The following IRAK2 variants were observed in gnomAD, a reference collection of about 807,000 sequenced individuals.
IRAK2 encodes the protein interleukin-1 receptor-associated kinase-like 2.
A neutral mutation model predicts 72.0 loss-of-function variants in IRAK2; 57 were observed. That is an observed-to-expected ratio of 0.79 (90% CI 0.64 to 0.99). IRAK2 has a LOEUF of 0.99. IRAK2 is among the 50% of genes least tolerant of loss of function. IRAK2 has a pLI of 0.00. For missense variants in IRAK2, 790 were observed against 794.4 expected, an observed-to-expected ratio of 0.99 and a Z score of 0.07; for synonymous variants, 293 against 312.7, an observed-to-expected ratio of 0.94 and a Z score of 0.67.
At chr3:10,201,381 T>TC (rs1357498056) in intron 3 of IRAK2, among the ~76,000 whole-genome samples, 1 of 152,222 alleles carries the variant, frequency 6.6e-6, no homozygotes, top group East Asian at 1.9e-4. Context: ...CTGTCCATTC[T>TC]CCATAGGCCC....
At chr3:10,202,747 G>A (rs62240062) in intron 3 of IRAK2, among the ~76,000 whole-genome samples, 34,024 of 144,204 alleles carry the variant, frequency 0.24, 4,982 homozygotes, top group Non-Finnish European at 0.34. Flanking sequence ...GCTAGGTGAC[G>A]GTGGCACGGT....
At chr3:10,241,219 TG>T (rs1698054649) in intron 12 of IRAK2, among the ~76,000 whole-genome samples, 1 of 149,960 alleles carries the variant, frequency 6.7e-6, no homozygotes, top group Admixed American at 6.7e-5. Flanking sequence ...AAGATCAGCC[TG>T]GGCAACATGG....
chr3:10,221,208 C>T (rs577877093), intron 8 of IRAK2, among the ~76,000 whole-genome samples: 25 of 146,712 alleles, frequency 1.7e-4, no homozygotes, highest in South Asian at 4.3e-4. Context: ...CTGGCTAACA[C>T]GGTGAAACCT....
chr3:10,180,860 C>T (rs1696949716), intron 2 of IRAK2, among the ~76,000 whole-genome samples: 1 of 152,048 alleles, frequency 6.6e-6, no homozygotes, highest in African/African-American at 2.4e-5. Context: ...CAGACCACAC[C>T]AGTCACGGGG....
chr3:10,184,903 A>AAT lies in IRAK2; in HGVS notation c.277+6883_277+6884insAT, dbSNP rs1553623285. 7.9e-3 allele frequency among the ~76,000 whole-genome samples: 980 copies of AAT among 123,596 alleles called. 47 individuals are homozygous for AAT. The highest frequency in any genetic ancestry group is 0.054 in the African/African-American group (931 of 17,184). 81.1% of individuals were successfully genotyped at this position (123,596 alleles called of 152,430 possible). A position where few individuals can be genotyped will look rare whatever the true frequency, so the allele number is the denominator to read the frequency against. ...CGCCACCATGCCCGGCTATTTTTTTATTTTTTTTTATTTTTAGTAGAGACG... is the reference window on the plus strand; with the variant it reads ...CGCCACCATGCCCGGCTATTTTTTTAATTTTTTTTTTATTTTTAGTAGAGACG... On this transcript the variant is annotated intron_variant, in intron 2 of 12. Coordinates refer to ENST00000256458, the MANE Select transcript of IRAK2 (RefSeq NM_001570.4).
intron 2 of IRAK2, among the ~76,000 whole-genome samples, chr3:10,193,181 A>G (rs1697203537): frequency 2.0e-5 from 3 of 152,192 alleles, no homozygotes; most frequent in Admixed American, 6.5e-5. Context: ...ATGCCTGGCA[A>G]CCAGCTCTGG....
intron 1 of IRAK2, among the ~76,000 whole-genome samples, chr3:10,170,408 A>AGGATGT (rs1332587513): frequency 6.6e-6 from 1 of 152,204 alleles, no homozygotes; most frequent in Non-Finnish European, 1.5e-5. Context: ...CTCGGGGCTT[A>AGGATGT]GGATGTGGAT....
chr3:10,234,773 G>C, intron 11 of IRAK2, 114 bp downstream of exon 11: 1 of 926,552 alleles, frequency 1.1e-6, no homozygotes, highest in Non-Finnish European at 1.6e-6. Flanking sequence ...TTGCTTGCAA[G>C]CCGCAGAACC....
chr3:10,173,118 C>T (rs1001924676), intron 1 of IRAK2, among the ~76,000 whole-genome samples: 3 of 152,018 alleles, frequency 2.0e-5, no homozygotes, highest in African/African-American at 4.8e-5. Context: ...GCAACAATCT[C>T]GGAGGCAGGT....
At chr3:10,227,911 C>T (rs560233795) in intron 10 of IRAK2, among the ~76,000 whole-genome samples, 11 of 152,024 alleles carry the variant, frequency 7.2e-5, no homozygotes, top group East Asian at 1.9e-4. Context: ...CCTCGTGATC[C>T]GCCCGCCTCG....
chr3:10,229,579 G>A (rs1319490421), intron 10 of IRAK2, among the ~76,000 whole-genome samples: 1 of 152,096 alleles, frequency 6.6e-6, no homozygotes, highest in African/African-American at 2.4e-5. Context: ...CATATCAATG[G>A]GCCCATGGCA....
Position 10,242,146 on chromosome 3 carries a change from A to G in IRAK2, c.1796A>G (p.Asn599Ser), listed in dbSNP as rs1575996222. 3.1e-6 allele frequency: 5 copies of G among 1,613,394 alleles called. No individual in the cohort carries two copies. Among genetic ancestry groups the G allele is most frequent in the Non-Finnish European group, 4.2e-6 (5 of 1,179,574 alleles). ...GAAACTTCGTGGCAAATTGAGATCA[A>G]TGAGGCCAAAAGGAAACTGATGGAG... ...VTETSWQIEI[N>S]EAKRKLMENI... Residue 599 changes from asparagine (N) to serine (S), a missense_variant, in exon 13 of 13, where the codon AAT becomes AGT. Transcript: ENST00000256458.
At chr3:10,165,968 T>C (rs1164621627) in intron 1 of IRAK2, among the ~76,000 whole-genome samples, 1 of 151,962 alleles carries the variant, frequency 6.6e-6, no homozygotes, top group Non-Finnish European at 1.5e-5. Context: ...GACCTTGTGA[T>C]CCGCCCACCC....
At position 10,199,884 on chromosome 3, in the gene IRAK2, CTTTTTTTTTTTTT is replaced by C. The variant is rs145377518; in HGVS notation, c.278-476_278-464del. Among the ~76,000 whole-genome samples, 5 of 124,112 alleles carry C rather than the reference CTTTTTTTTTTTTT, an allele frequency of 4.0e-5. No individual in the cohort carries two copies. In the South Asian group the frequency reaches 9.9e-4, roughly 25 times the overall value. 81.4% of individuals were successfully genotyped at this position (124,112 alleles called of 152,430 possible). A position where few individuals can be genotyped will look rare whatever the true frequency, so the allele number is the denominator to read the frequency against. On this transcript the variant is annotated intron_variant, in intron 2 of 12. Coordinates refer to ENST00000256458, the MANE Select transcript of IRAK2 (RefSeq NM_001570.4). ...AGGACTGCCATGTTCAGCCACTGCTCTTTTTTTTTTTTTTTTTTTTTGAGACAGAGTCTTGCTC... is the reference window on the plus strand; with the variant it reads ...AGGACTGCCATGTTCAGCCACTGCTCTTTTTTTTGAGACAGAGTCTTGCTC...
chr3:10,242,076 T>C, intron 12 of IRAK2, 40 bp from the exon 13 acceptor site: 3 of 1,171,318 alleles, frequency 2.6e-6, no homozygotes, highest in Non-Finnish European at 3.8e-6. Flanking sequence ...ATAGTAACTT[T>C]CATTCAAGTC....
intron 1 of IRAK2, among the ~76,000 whole-genome samples, chr3:10,174,208 A>G (rs1696838925): frequency 6.6e-6 from 1 of 152,206 alleles, no homozygotes; most frequent in South Asian, 2.1e-4. Flanking sequence ...ACTGACCAGC[A>G]ATCTGGCCTG....
intron 2 of IRAK2, among the ~76,000 whole-genome samples, 192 bp from the exon 3 acceptor site, chr3:10,200,177 C>T (rs140842059): frequency 3.0e-4 from 45 of 152,208 alleles, no homozygotes; most frequent in East Asian, 1.7e-3. Flanking sequence ...TGTGAGCCAC[C>T]GCGCCTGGTC....
chr3:10,231,028 C>G (rs1697854673), intron 10 of IRAK2, among the ~76,000 whole-genome samples: 2 of 152,086 alleles, frequency 1.3e-5, no homozygotes. Context: ...GTACCTGGGA[C>G]CACAGGCATG....
intron 11 of IRAK2, among the ~76,000 whole-genome samples, chr3:10,236,341 G>GTT (rs1338122281): frequency 0.1 from 12,494 of 123,952 alleles, 927 homozygotes; most frequent in East Asian, 0.48. Flanking sequence ...GAGCCACTAA[G>GTT]GTTTTTTTTT....
Sources: allele counts gnomAD v4.1 joint callset (sites outside exome capture counted in the v4.1 genomes callset), GRCh38; gene constraint gnomAD v4.1.1; transcripts MANE v1.5; gene names NCBI Gene and HGNC (gene_info 2026-07-23, HGNC 2026-07-21).